The following ETV5 variants were observed in gnomAD, a reference collection of about 807,000 sequenced individuals.
ETV5 encodes the protein ETS translocation variant 5.
A neutral mutation model predicts 70.0 loss-of-function variants in ETV5; 10 were observed. That is an observed-to-expected ratio of 0.14 (90% CI 0.09 to 0.24). The LOEUF is 0.24. Ranked by LOEUF, ETV5 falls within the 10% of genes least tolerant of loss-of-function variation. The pLI is 1.00. For missense variants in ETV5, 453 were observed against 651.2 expected (o/e 0.70, Z 3.31); for synonymous variants, 216 against 242.2 (o/e 0.89, Z 1.01).
intron 5 of ETV5, among the ~76,000 whole-genome samples, chr3:186,099,248 C>T (rs1219990531): frequency 6.6e-6 from 1 of 152,058 alleles, no homozygotes. Context: ...TGGTATCTTG[C>T]CACTCCTTTA....
At chr3:186,059,373 G>C (rs373821053) in intron 9 of ETV5, among the ~76,000 whole-genome samples, 1 of 152,324 alleles carries the variant, frequency 6.6e-6, no homozygotes, top group African/African-American at 2.4e-5. Context: ...ATGTAGACTT[G>C]GTCCTTGTTC....
chr3:186,100,918 A>T (rs534336084), intron 5 of ETV5, among the ~76,000 whole-genome samples: 1 of 152,368 alleles, frequency 6.6e-6, no homozygotes, highest in South Asian at 2.1e-4. Context: ...CCCAAAATGT[A>T]TATTTAAAAA....
At chr3:186,075,208 G>A (rs1219734334) in intron 7 of ETV5, among the ~76,000 whole-genome samples, 1 of 152,200 alleles carries the variant, frequency 6.6e-6, no homozygotes, top group Non-Finnish European at 1.5e-5. Context: ...GTCTGTCAAA[G>A]AAGGATCCAT....
At chr3:186,107,544 A>G (rs981874279) in intron 1 of ETV5, among the ~76,000 whole-genome samples, 1 of 152,276 alleles carries the variant, frequency 6.6e-6, no homozygotes, top group Middle Eastern at 3.2e-3. Flanking sequence ...ATAAACTGCC[A>G]TAAACGAACG....
intron 7 of ETV5, among the ~76,000 whole-genome samples, chr3:186,071,065 T>C (rs113334969): frequency 0.014 from 2,073 of 152,342 alleles, 28 homozygotes; most frequent in Non-Finnish European, 0.023. Flanking sequence ...CAGATTTATA[T>C]AGCGCCTTTC....
intron 5 of ETV5, among the ~76,000 whole-genome samples, chr3:186,081,541 C>A (rs1298146722): frequency 1.3e-5 from 2 of 151,942 alleles, no homozygotes; most frequent in African/African-American, 2.4e-5. Flanking sequence ...CCAAAAAGGA[C>A]AAAACGACCA....
rs777224218 is a variant in ETV5, at chr3:186,105,181, G to C, written c.232+124C>G. On this transcript the variant is annotated intron_variant, in intron 5 of 12. Coordinates refer to ENST00000306376, the MANE Select transcript of ETV5 (RefSeq NM_004454.3). This position sits in a 1 kb window ranked among gnomAD's most constrained non-coding sequence, Gnocchi z 4.5. ...TTTCAGGGTTAATTCTGAATTATTA[G>C]AAGAAACTAAATGCATACTACTGTC... The C allele has an allele frequency of 1.4e-6, 1 of 700,730 alleles. No individual in the cohort carries two copies. The highest frequency in any genetic ancestry group is 2.4e-6 in the Non-Finnish European group (1 of 424,532). 43.4% of individuals were successfully genotyped at this position (700,730 alleles called of 1,614,324 possible).
At position 186,072,198 on chromosome 3, in the gene ETV5, C is replaced by A. The variant is rs138264460; in HGVS notation, c.651-6126G>T. Among the ~76,000 whole-genome samples the A allele has an allele frequency of 1.8e-4, 27 of 151,728 alleles. No individual in the cohort carries two copies. In the East Asian group the frequency reaches 5.2e-3, roughly 29 times the overall value. On this transcript the variant is annotated intron_variant, in intron 7 of 12. Coordinates refer to ENST00000306376, the MANE Select transcript of ETV5 (RefSeq NM_004454.3). ...GAGTTTGAGACCAGCCTGGCCAACA[C>A]GGTGAAACCTGTCTCTATTAAAAAC...
At chr3:186,062,615 G>A (rs557202625) in intron 9 of ETV5, among the ~76,000 whole-genome samples, 9 of 152,206 alleles carry the variant, frequency 5.9e-5, no homozygotes, top group African/African-American at 1.7e-4. Flanking sequence ...GCAAGACTCC[G>A]TCTCAAAAAG....
intron 9 of ETV5, among the ~76,000 whole-genome samples, chr3:186,059,024 A>C (rs1315077909): frequency 4.0e-5 from 6 of 151,102 alleles, no homozygotes; most frequent in Non-Finnish European, 8.9e-5. Flanking sequence ...AAAAAAAAAA[A>C]ATAAAATAAA....
intron 12 of ETV5, among the ~76,000 whole-genome samples, chr3:186,050,802 T>A (rs550281889): frequency 1.3e-5 from 2 of 151,900 alleles, no homozygotes; most frequent in South Asian, 4.2e-4. Context: ...ACTGGTGCCA[T>A]CAGAAGCAGC....
chr3:186,093,809 A>T (rs2150153095), intron 5 of ETV5, among the ~76,000 whole-genome samples: 1 of 152,328 alleles, frequency 6.6e-6, no homozygotes, highest in African/African-American at 2.4e-5. Flanking sequence ...ACAGGGGGAA[A>T]GATGGGGTGG....
chr3:186,049,950 A>C (rs922025987), intron 12 of ETV5, among the ~76,000 whole-genome samples: 4 of 152,016 alleles, frequency 2.6e-5, no homozygotes, highest in African/African-American at 9.7e-5. Context: ...GTGAACCTCA[A>C]TTTTCCCTTC....
rs567464005 is a variant in ETV5 at position 186,049,275 on chromosome 3, A to C, written c.1312-415T>G. 2.6e-5 allele frequency among the ~76,000 whole-genome samples: 4 copies of C among 152,298 alleles called. No individual in the cohort carries two copies. The South Asian group carries it at 8.3e-4, about 32-fold the overall frequency. ...TTCACAGTATGGCCTTGTTATTTAG[A>C]AAGGTTAGAAATCTGATGAGAGCGA... On this transcript the variant is annotated intron_variant, in intron 12 of 12. Transcript: ENST00000306376.
chr3:186,108,539 C>G, intron 1 of ETV5: 1 of 1,283,562 alleles, frequency 7.8e-7, no homozygotes, highest in South Asian at 1.2e-5. Context: ...CCCCCTCCTC[C>G]CAACTGCGGA....
chr3:186,108,387 T>C, intron 1 of ETV5: 1 of 686,166 alleles, frequency 1.5e-6, no homozygotes, highest in Non-Finnish European at 2.3e-6. Context: ...ATGTCCACTT[T>C]CCACCACCTG....
intron 5 of ETV5, among the ~76,000 whole-genome samples, chr3:186,082,699 G>A (rs1204520379): frequency 2.0e-5 from 3 of 152,308 alleles, no homozygotes; most frequent in African/African-American, 2.4e-5. Context: ...GATTACAGGC[G>A]TGAGCCACCG....
At chr3:186,061,108 C>T (rs1197801181) in intron 9 of ETV5, among the ~76,000 whole-genome samples, 1 of 152,194 alleles carries the variant, frequency 6.6e-6, no homozygotes, top group African/African-American at 2.4e-5. Context: ...TACCCATAAA[C>T]ACGGCTCTTA....
At position 186,077,936 on chromosome 3, in the gene ETV5, G is replaced by T; in HGVS notation, c.650+1881C>A. The T allele has an allele frequency of 5.1e-6, 5 of 981,144 alleles. No individual in the cohort carries two copies. In the South Asian group the frequency reaches 1.5e-4, roughly 29 times the overall value. 60.8% of individuals were successfully genotyped at this position (981,144 alleles called of 1,614,324 possible). ...TCTCAAAGGCAGAGTATAACAAGAA[G>T]TAAGTCCAAAATGCACAGGCAGACT... On this transcript the variant is annotated intron_variant, in intron 7 of 12. Transcript: ENST00000306376.
Sources: allele counts gnomAD v4.1 joint callset (sites outside exome capture counted in the v4.1 genomes callset), GRCh38; gene constraint gnomAD v4.1.1; non-coding constraint Gnocchi (gnomAD v3.1); transcripts MANE v1.5; gene names NCBI Gene and HGNC (gene_info 2026-07-23, HGNC 2026-07-21).